Variants in VIPAS39 observed in about 807,000 individuals in gnomAD.
VIPAS39 encodes spermatogenesis-defective protein 39 homolog.
In VIPAS39, 63 loss-of-function variants were observed where a neutral mutation model predicts 84.7. The ratio of observed to expected loss-of-function variants is 0.74; its 90% confidence interval spans 0.61 to 0.92. The LOEUF is 0.92. Among genes scored for constraint, VIPAS39 ranks in the 40% least tolerant of loss-of-function variants. The probability of loss-of-function intolerance (pLI) is 0.00; values close to 1 mark genes in which losing one functional copy is unlikely to be tolerated. For missense variants in VIPAS39, 499 were observed against 604.5 expected, an observed-to-expected ratio of 0.83 and a Z score of 1.83; for synonymous variants, 192 against 216.5, an observed-to-expected ratio of 0.89 and a Z score of 0.99.
intron 5 of VIPAS39, 33 bp downstream of exon 5, chr14:77,449,680 TC>T (rs756634752): frequency 2.5e-6 from 4 of 1,613,828 alleles, no homozygotes; most frequent in Non-Finnish European, 3.4e-6. Flanking sequence ...CAGTAACATT[TC>T]CCACAGCAAT....
At chr14:77,445,749 G>A (rs2078778089) in intron 7 of VIPAS39, among the ~76,000 whole-genome samples, 2 of 152,174 alleles carry the variant, frequency 1.3e-5, no homozygotes, top group South Asian at 4.2e-4. Context: ...GACCAGTCTG[G>A]CCAACATGGT....
Position 77,448,767 on chromosome 14 carries a change from G to C in VIPAS39, c.448-217C>G, listed in dbSNP as rs554550809. 1.1e-4 allele frequency among the ~76,000 whole-genome samples: 16 copies of C among 152,266 alleles called. No homozygotes were observed. In the South Asian group the frequency reaches 3.3e-3, roughly 32 times the overall value. On this transcript the variant is annotated intron_variant, in intron 6 of 19. Coordinates refer to ENST00000557658, the MANE Select transcript of VIPAS39 (RefSeq NM_001193315.2). ...TAGATAGGAGGAGATGGATCAAAGAGGGAGGAGCCAATTGACAAAGCCAGT... is the reference window on the plus strand; with the variant it reads ...TAGATAGGAGGAGATGGATCAAAGACGGAGGAGCCAATTGACAAAGCCAGT...
chr14:77,438,065 C>G (rs999504371), intron 11 of VIPAS39, among the ~76,000 whole-genome samples, 184 bp from the exon 12 acceptor site: 7 of 152,102 alleles, frequency 4.6e-5, no homozygotes, highest in African/African-American at 7.2e-5. Flanking sequence ...TTATCTATAA[C>G]TGCACTGTAC....
intron 11 of VIPAS39, among the ~76,000 whole-genome samples, chr14:77,439,326 G>C (rs149757986): frequency 6.6e-6 from 1 of 152,110 alleles, no homozygotes. Flanking sequence ...TAAGAATGCT[G>C]TAAGAAGAAA....
At chr14:77,439,603 A>T (rs1185193210) in intron 11 of VIPAS39, among the ~76,000 whole-genome samples, 1 of 152,132 alleles carries the variant, frequency 6.6e-6, no homozygotes, top group Non-Finnish European at 1.5e-5. Flanking sequence ...CCTGGCAAAC[A>T]AAGTGAGACC....
intron 11 of VIPAS39, chr14:77,440,180 G>A (rs764646829): frequency 6.7e-6 from 1 of 149,120 alleles, no homozygotes; most frequent in Non-Finnish European, 1.5e-5. Context: ...TACCGTGCTT[G>A]GCTGGAAATT....
At chr14:77,434,067 G>T in intron 15 of VIPAS39, 136 bp from the exon 16 acceptor site, 1 of 1,213,004 alleles carries the variant, frequency 8.2e-7, no homozygotes, top group East Asian at 2.4e-5. Context: ...AAATTTCTCA[G>T]TTCAAGAACT....
chr14:77,428,669 C>G (rs893633786), intron 18 of VIPAS39, among the ~76,000 whole-genome samples, 195 bp from the exon 19 acceptor site: 2 of 152,126 alleles, frequency 1.3e-5, no homozygotes, highest in Non-Finnish European at 2.9e-5. Flanking sequence ...TGACCCAACG[C>G]TCAAGGAGAG....
chr14:77,429,817 C>T, intron 16 of VIPAS39, 50 bp from the exon 17 acceptor site: 1 of 1,497,092 alleles, frequency 6.7e-7, no homozygotes, highest in South Asian at 1.1e-5. Flanking sequence ...ACACTCAACA[C>T]ATTCTAGGTT....
chr14:77,456,333 T>C (rs2078959662), intron 1 of VIPAS39, among the ~76,000 whole-genome samples: 2 of 152,186 alleles, frequency 1.3e-5, no homozygotes, highest in East Asian at 1.9e-4. Context: ...AAAGAAAATA[T>C]TTTTTAGCAA....
chr14:77,427,777 T>G, intron 19 of VIPAS39, 141 bp from the exon 20 acceptor site: 2 of 1,070,462 alleles, frequency 1.9e-6, no homozygotes, highest in Non-Finnish European at 2.8e-6. Context: ...AGGTGGGGGA[T>G]GTTGAGAAAT....
chr14:77,433,845 T>G lies in VIPAS39; in HGVS notation c.1176A>C (p.Thr392=). ...AWNDVDALFT[T]KNWLGYTKKR... ...AGCACAGGGGCAGGGCACACACCTT[T>G]GTGGTGAATAGGGCATCTACATCAT... Residue 392 remains threonine, a synonymous_variant, in exon 16 of 20, where the codon ACA becomes ACC. Coordinates refer to ENST00000557658, the MANE Select transcript of VIPAS39 (RefSeq NM_001193315.2). 1 of 1,613,856 alleles carries G rather than the reference T, an allele frequency of 6.2e-7. No individual in the cohort carries two copies. The highest frequency in any genetic ancestry group is 8.5e-7 in the Non-Finnish European group (1 of 1,179,860).
intron 1 of VIPAS39, 141 bp downstream of exon 1, chr14:77,457,354 G>C: frequency 6.5e-7 from 1 of 1,535,680 alleles, no homozygotes; most frequent in Non-Finnish European, 8.7e-7. Flanking sequence ...CAGCGCCCAA[G>C]GGTCGCCCTG....
chr14:77,437,423 TG>T (rs1055472465), intron 12 of VIPAS39, among the ~76,000 whole-genome samples: 18 of 152,012 alleles, frequency 1.2e-4, no homozygotes, highest in African/African-American at 4.4e-4. Context: ...ACTGAAAAAA[TG>T]CATCAGGTCC....
intron 7 of VIPAS39, among the ~76,000 whole-genome samples, chr14:77,444,990 G>A (rs2078765254): frequency 2.0e-5 from 3 of 148,650 alleles, no homozygotes; most frequent in South Asian, 2.1e-4. Flanking sequence ...ACGGAGTCTC[G>A]CTCTGTCGCC....
intron 11 of VIPAS39, 138 bp downstream of exon 11, chr14:77,440,928 G>C: frequency 1.0e-6 from 1 of 963,286 alleles, no homozygotes. Flanking sequence ...ATGTTGGCCA[G>C]GCTGGTCTTG....
At chr14:77,451,395 A>AT in intron 3 of VIPAS39, 62 bp from the exon 4 acceptor site, 1 of 1,612,894 alleles carries the variant, frequency 6.2e-7, no homozygotes, top group South Asian at 1.1e-5. Flanking sequence ...GACATCCAAC[A>AT]TTCAATAAAC....
At chr14:77,447,543 T>C (rs1306022082) in intron 7 of VIPAS39, among the ~76,000 whole-genome samples, 3 of 146,076 alleles carry the variant, frequency 2.1e-5, no homozygotes, top group Non-Finnish European at 4.6e-5. Flanking sequence ...CAACAAATAG[T>C]GCTGGAACAA....
In VIPAS39 at chr14:77,437,809, C is replaced by CTG. The variant is rs1260975768; in HGVS notation, c.834_835insCA (p.Gly279GlnfsTer33). ...AAATCATTTTTCCCCCATACTTACC[C>CTG]AACACAGGTTTTAAGAAATTCTTTT... On this transcript the variant is annotated frameshift_variant and splice_region_variant, in exon 12 of 20. Transcript: ENST00000557658. LOFTEE classifies it high-confidence loss of function. 5 of 1,613,904 alleles carry CTG rather than the reference C, an allele frequency of 3.1e-6. No individual in the cohort carries two copies. Among genetic ancestry groups the CTG allele is most frequent in the Non-Finnish European group, 3.4e-6 (4 of 1,179,856 alleles).
Sources: allele counts gnomAD v4.1 joint callset (sites outside exome capture counted in the v4.1 genomes callset), GRCh38; gene constraint gnomAD v4.1.1; transcripts MANE v1.5; gene names NCBI Gene and HGNC (gene_info 2026-07-23, HGNC 2026-07-21).